TMEM132D: variants seen among roughly 807,000 people sequenced by gnomAD.
TMEM132D encodes the protein transmembrane protein 132D.
In TMEM132D, 21 loss-of-function variants were observed where a neutral mutation model predicts 62.3. The ratio of observed to expected loss-of-function variants is 0.34; its 90% CI spans 0.24 to 0.49. The LOEUF (loss-of-function observed/expected upper bound fraction) is 0.49. Among genes scored for constraint, TMEM132D ranks in the 20% least tolerant of loss-of-function variants. TMEM132D has a pLI of 0.99. For synonymous variants in TMEM132D, 621 were observed against 575.6 expected (o/e 1.08, Z -1.13); for missense variants, 1,346 against 1,402.8 (o/e 0.96, Z 0.65).
At chr12:129,144,914 CTAT>C (rs1876848005) in intron 5 of TMEM132D, among the ~76,000 whole-genome samples, 2 of 151,822 alleles carry the variant, frequency 1.3e-5, no homozygotes, top group Non-Finnish European at 2.9e-5. Flanking sequence ...ATCTATCTAT[CTAT>C]CTATCTATCT....
intron 2 of TMEM132D, among the ~76,000 whole-genome samples, chr12:129,605,604 T>TACACACACAC (rs1555221323): frequency 3.9e-4 from 41 of 106,088 alleles, no homozygotes; most frequent in Non-Finnish European, 4.8e-4. Context: ...TATATATATA[T>TACACACACAC]ACACACACAT....
chr12:129,301,925 G>A, intron 4 of TMEM132D, among the ~76,000 whole-genome samples: 1 of 151,780 alleles, frequency 6.6e-6, no homozygotes, highest in Admixed American at 6.6e-5. Flanking sequence ...TAATATTTTA[G>A]GCACGTACAT....
At chr12:129,691,736 T>C (rs1424688756) in intron 2 of TMEM132D, among the ~76,000 whole-genome samples, 2 of 152,088 alleles carry the variant, frequency 1.3e-5, no homozygotes, top group Non-Finnish European at 2.9e-5. Context: ...CATACAACTA[T>C]AATCTTTCAA....
At chr12:129,841,441 A>G (rs1321290776) in intron 1 of TMEM132D, among the ~76,000 whole-genome samples, 1 of 152,198 alleles carries the variant, frequency 6.6e-6, no homozygotes, top group African/African-American at 2.4e-5. Flanking sequence ...AGTTTAATCA[A>G]CCCTTGGTCC....
intron 4 of TMEM132D, among the ~76,000 whole-genome samples, chr12:129,243,382 A>G (rs994121253): frequency 4.6e-5 from 7 of 152,280 alleles, no homozygotes; most frequent in African/African-American, 1.7e-4. Context: ...TATTTTTACT[A>G]TACTGCAATT....
intron 2 of TMEM132D, among the ~76,000 whole-genome samples, chr12:129,674,685 A>G (rs983969842): frequency 2.0e-5 from 3 of 152,052 alleles, no homozygotes; most frequent in Admixed American, 1.3e-4. Flanking sequence ...GATTACAGGC[A>G]CACACCACCA....
chr12:129,151,152 T>G (rs975172973), intron 5 of TMEM132D, among the ~76,000 whole-genome samples: 1 of 152,108 alleles, frequency 6.6e-6, no homozygotes, highest in African/African-American at 2.4e-5. Flanking sequence ...ATCGAAGCCT[T>G]TGTCCTAATG....
At chr12:129,477,968 G>A (rs1874320772) in intron 3 of TMEM132D, among the ~76,000 whole-genome samples, 1 of 152,104 alleles carries the variant, frequency 6.6e-6, no homozygotes, top group South Asian at 2.1e-4. Flanking sequence ...GAACATCATA[G>A]AGTGGACTTA....
chr12:129,081,471 T>C (rs1266907715), intron 7 of TMEM132D, among the ~76,000 whole-genome samples: 2 of 152,104 alleles, frequency 1.3e-5, no homozygotes, highest in African/African-American at 4.8e-5. Context: ...GGTAATTTTT[T>C]GTATTTTTGG....
At chr12:129,224,417 C>CA (rs984220786) in intron 4 of TMEM132D, among the ~76,000 whole-genome samples, 2 of 152,106 alleles carry the variant, frequency 1.3e-5, no homozygotes, top group African/African-American at 4.8e-5. Context: ...GAGAAATTTT[C>CA]AAAATGCAGA....
chr12:129,516,947 C>A (rs1345086324), intron 3 of TMEM132D, among the ~76,000 whole-genome samples: 1 of 152,136 alleles, frequency 6.6e-6, no homozygotes, highest in African/African-American at 2.4e-5. Context: ...ATCCATCAAA[C>A]CTCCAGTTCC....
chr12:129,640,751 CAGA>C (rs1379754994), intron 2 of TMEM132D, among the ~76,000 whole-genome samples: 1 of 152,174 alleles, frequency 6.6e-6, no homozygotes, highest in Non-Finnish European at 1.5e-5. Flanking sequence ...TGACACATAG[CAGA>C]AGGTGAGTGA....
At chr12:129,251,547 A>G (rs1880267273) in intron 4 of TMEM132D, among the ~76,000 whole-genome samples, 1 of 152,110 alleles carries the variant, frequency 6.6e-6, no homozygotes, top group African/African-American at 2.4e-5. Flanking sequence ...CTAAGCCCCT[A>G]AACTTTAAAG....
intron 1 of TMEM132D, among the ~76,000 whole-genome samples, chr12:129,897,920 G>T (rs1455330311): frequency 1.3e-5 from 2 of 152,170 alleles, no homozygotes; most frequent in African/African-American, 4.8e-5. Flanking sequence ...ATAATTATCA[G>T]AAGTCAGCAG....
intron 4 of TMEM132D, among the ~76,000 whole-genome samples, chr12:129,234,580 A>C (rs1342135450): frequency 6.6e-6 from 1 of 152,160 alleles, no homozygotes; most frequent in Admixed American, 6.5e-5. Context: ...ACCTGCCCCA[A>C]ACACAAAACC....
At chr12:129,575,665 A>G (rs1476311711) in intron 2 of TMEM132D, among the ~76,000 whole-genome samples, 1 of 151,950 alleles carries the variant, frequency 6.6e-6, no homozygotes, top group African/African-American at 2.4e-5. Flanking sequence ...ATGAAAGACA[A>G]AAATTCCGTT....
At chr12:129,626,645 C>G (rs530827864) in intron 2 of TMEM132D, among the ~76,000 whole-genome samples, 1 of 152,106 alleles carries the variant, frequency 6.6e-6, no homozygotes, top group Middle Eastern at 3.4e-3. Flanking sequence ...TTAGTAGAGA[C>G]GGGGTTTCAC....
intron 1 of TMEM132D, among the ~76,000 whole-genome samples, chr12:129,778,445 G>A (rs931138345): frequency 7.2e-5 from 11 of 152,166 alleles, no homozygotes; most frequent in African/African-American, 2.4e-4. Flanking sequence ...CACATCTGGA[G>A]ACTCTGCAGC....
At chr12:129,473,504 T>C (rs4759578) in intron 3 of TMEM132D, among the ~76,000 whole-genome samples, 147,349 of 151,562 alleles carry the variant, frequency 0.97, 71,761 homozygotes, top group East Asian at 1. Context: ...TAATTTTTTG[T>C]ATTTTTAGTA....
Sources: gnomAD v4.1 joint callset for allele counts (sites outside exome capture counted in the v4.1 genomes callset) on GRCh38, gnomAD v4.1.1 for gene constraint, MANE v1.5 for transcripts, NCBI Gene and HGNC (gene_info 2026-07-23, HGNC 2026-07-21) for gene names.